The following HBP1 variants were observed in gnomAD, a reference collection of about 807,000 sequenced individuals.
The protein encoded by HBP1 is HMG-box transcription factor 1.
HBP1 carries 20 observed loss-of-function variants against 62.6 expected under a neutral mutation model. That is an observed-to-expected ratio of 0.32 (90% CI 0.22 to 0.46). The LOEUF (loss-of-function observed/expected upper bound fraction) is 0.46, where lower values mean the gene tolerates loss of function less well. Among genes scored for constraint, HBP1 ranks in the 20% least tolerant of loss-of-function variants. The pLI is 1.00. For synonymous variants in HBP1, 232 were observed against 206.2 expected (o/e 1.12, Z -1.07); for missense variants, 480 against 611.8 (o/e 0.78, Z 2.27).
rs1796432497 is a variant in HBP1, at chr7:107,169,329, A to C, written c.-16+144A>C. On this transcript the variant is annotated intron_variant, in intron 1 of 10. Transcript: ENST00000222574. Reference sequence around the variant, plus strand: ...TGGGGTGGGGGCAGTTAACCGTTCGATTGGTGCCCGCGGCGAGCCCACCGG... The same window carrying C: ...TGGGGTGGGGGCAGTTAACCGTTCGCTTGGTGCCCGCGGCGAGCCCACCGG... The C allele has an allele frequency of 2.4e-5, 7 of 290,258 alleles. No homozygotes were observed. The South Asian group carries it at 4.4e-4, about 18-fold the overall frequency. 18.0% of individuals were successfully genotyped at this position (290,258 alleles called of 1,614,324 possible).
chr7:107,182,286 T>G, intron 2 of HBP1, 87 bp from the exon 3 acceptor site: 1 of 701,400 alleles, frequency 1.4e-6, no homozygotes, highest in East Asian at 2.5e-5. Context: ...TAGCTAAAAT[T>G]GAGGACTTCT....
intron 3 of HBP1, 72 bp downstream of exon 3, chr7:107,182,673 A>G: frequency 1.3e-6 from 1 of 777,386 alleles, no homozygotes; most frequent in African/African-American, 1.7e-5. Flanking sequence ...AAATTTTTCT[A>G]GTTTAAAAGT....
chr7:107,194,358 GAA>G (rs1797786941), intron 8 of HBP1, among the ~76,000 whole-genome samples: 1 of 152,140 alleles, frequency 6.6e-6, no homozygotes, highest in South Asian at 2.1e-4. Flanking sequence ...TGTCAGTGCT[GAA>G]GTTTGCTATT....
intron 1 of HBP1, among the ~76,000 whole-genome samples, chr7:107,171,044 T>TG (rs1796542458): frequency 9.9e-6 from 1 of 100,788 alleles, no homozygotes; most frequent in Non-Finnish European, 1.8e-5. Context: ...TATACATGTA[T>TG]AAATATATAT....
chr7:107,178,334 TTAGAC>T (rs1439858662), intron 1 of HBP1, among the ~76,000 whole-genome samples: 2 of 152,178 alleles, frequency 1.3e-5, no homozygotes, highest in African/African-American at 4.8e-5. Context: ...AAAATGGAAT[TTAGAC>T]TAGAGCCTGA....
chr7:107,196,535 C>A (rs150032510), intron 9 of HBP1: 264 of 304,054 alleles, frequency 8.7e-4, no homozygotes, highest in African/African-American at 5.4e-3. Flanking sequence ...CCTAAAGTGC[C>A]GTGATTACAG....
At chr7:107,178,664 C>T (rs1427128807) in intron 1 of HBP1, among the ~76,000 whole-genome samples, 5 of 152,102 alleles carry the variant, frequency 3.3e-5, no homozygotes, top group Non-Finnish European at 7.4e-5. Context: ...TTAAGAAAAC[C>T]TAAGAACATT....
At chr7:107,192,394 T>G (rs1164904585) in intron 8 of HBP1, among the ~76,000 whole-genome samples, 1 of 152,078 alleles carries the variant, frequency 6.6e-6, no homozygotes, top group Non-Finnish European at 1.5e-5. Context: ...TTAAGAAAGA[T>G]ATTAATAAAA....
At chr7:107,171,293 A>G (rs1184753106) in intron 1 of HBP1, among the ~76,000 whole-genome samples, 2 of 151,044 alleles carry the variant, frequency 1.3e-5, no homozygotes, top group African/African-American at 4.9e-5. Context: ...GATGGTCTCA[A>G]TCTCCTGACC....
chr7:107,174,557 T>C (rs1796745552), intron 1 of HBP1: 2 of 985,240 alleles, frequency 2.0e-6, no homozygotes, highest in Non-Finnish European at 2.4e-6. Context: ...CTGCAGGACC[T>C]GCTGTAGGGA....
chr7:107,179,737 A>G (rs548409628), intron 1 of HBP1, 142 bp from the exon 2 acceptor site: 103 of 493,926 alleles, frequency 2.1e-4, no homozygotes, highest in Middle Eastern at 1.1e-3. Context: ...ACGCCACTGC[A>G]CTGCAGTCTG....
intron 1 of HBP1, among the ~76,000 whole-genome samples, chr7:107,175,549 ATAG>A (rs145285700): frequency 1.6e-3 from 249 of 151,690 alleles, no homozygotes; most frequent in African/African-American, 5.5e-3. Flanking sequence ...ACCTTTCCAT[ATAG>A]TAGTAGTAGT....
intron 9 of HBP1, among the ~76,000 whole-genome samples, chr7:107,198,306 T>TTGAAG (rs1798027894): frequency 6.6e-6 from 1 of 151,870 alleles, no homozygotes. Flanking sequence ...GCCTCCTAGG[T>TTGAAG]TGAAGTGATT....
chr7:107,191,516 T>C (rs1002340374), intron 8 of HBP1, among the ~76,000 whole-genome samples: 2 of 152,192 alleles, frequency 1.3e-5, no homozygotes, highest in African/African-American at 4.8e-5. Context: ...TAAATTCTTG[T>C]AGTCATGCTC....
chr7:107,169,956 A>C, intron 1 of HBP1: 2 of 985,556 alleles, frequency 2.0e-6, no homozygotes, highest in Non-Finnish European at 2.4e-6. Context: ...CTGCCACCGC[A>C]GGCCGATTGA....
chr7:107,200,356 C>T (rs1432412144), intron 10 of HBP1, 55 bp downstream of exon 10: 25 of 1,473,428 alleles, frequency 1.7e-5, no homozygotes, highest in Non-Finnish European at 1.9e-5. Context: ...TGCAGGTGTA[C>T]TGGCATGTTG....
intron 6 of HBP1, 113 bp from the exon 7 acceptor site, chr7:107,189,179 G>T: frequency 1.2e-6 from 1 of 802,304 alleles, no homozygotes; most frequent in South Asian, 1.9e-5. Context: ...TAATGGCAGG[G>T]ATCCTGTCTT....
chr7:107,186,737 T>C, intron 6 of HBP1, 56 bp downstream of exon 6: 4 of 967,446 alleles, frequency 4.1e-6, no homozygotes, highest in Admixed American at 3.8e-5. Flanking sequence ...AAACAAGATT[T>C]ATTGTTAATC....
intron 1 of HBP1, chr7:107,170,058 G>A: frequency 2.0e-6 from 2 of 985,318 alleles, no homozygotes; most frequent in Non-Finnish European, 2.4e-6. Flanking sequence ...TCTCCGCTGT[G>A]CACTCTACAC....
Sources: allele counts gnomAD v4.1 joint callset (sites outside exome capture counted in the v4.1 genomes callset), GRCh38; gene constraint gnomAD v4.1.1; transcripts MANE v1.5; gene names NCBI Gene and HGNC (gene_info 2026-07-23, HGNC 2026-07-21).